Variants in SHOX2 observed in about 807,000 individuals in gnomAD.
SHOX2 encodes the protein SHOX homeobox 2.
In SHOX2, 13 loss-of-function variants were observed where a neutral mutation model predicts 31.3. The ratio of observed to expected loss-of-function variants is 0.42; its 90% CI spans 0.27 to 0.66. SHOX2 has a LOEUF of 0.66. SHOX2 is among the 30% of genes least tolerant of loss of function. SHOX2 has a pLI of 0.27. For missense variants in SHOX2, 473 were observed against 443.0 expected, an observed-to-expected ratio of 1.07 and a Z score of -0.61; for synonymous variants, 244 against 196.2, an observed-to-expected ratio of 1.24 and a Z score of -2.04.
At chr3:158,101,989 AG>A (rs1447845205) in intron 2 of SHOX2, among the ~76,000 whole-genome samples, 1 of 152,176 alleles carries the variant, frequency 6.6e-6, no homozygotes, top group East Asian at 1.9e-4. Flanking sequence ...GCTGGAGGGC[AG>A]GCTTTGGAAA....
Position 158,098,117 on chromosome 3 carries a change from G to A in SHOX2, c.870C>T (p.Ala290=), listed in dbSNP as rs748465616. The change falls in exon 5 of 5, where the codon GCC becomes GCT. Residue 290 remains alanine, a synonymous_variant. Coordinates refer to ENST00000483851, the MANE Select transcript of SHOX2 (RefSeq NM_001163678.2). ...DSASAASVVA[A]AAAAKTTSKN... ...TGCTGGTGGTCTTGGCGGCTGCTGC[G>A]GCCGCCACTACCGAGGCGGCGGAAG... 1 of 1,611,130 alleles carries A rather than the reference G, an allele frequency of 6.2e-7. No homozygotes were observed. Among genetic ancestry groups the A allele is most frequent in the South Asian group, 1.1e-5 (1 of 90,982 alleles).
At chr3:158,105,424 C>T (rs1713831192) in intron 1 of SHOX2, 3 of 597,062 alleles carry the variant, frequency 5.0e-6, no homozygotes, top group Non-Finnish European at 8.9e-6. Context: ...GGAATGGGAA[C>T]ATCTGGGAAG....
At chr3:158,102,481 G>GAAA (rs5853813) in intron 2 of SHOX2, among the ~76,000 whole-genome samples, 197 bp downstream of exon 2, 47 of 144,518 alleles carry the variant, frequency 3.3e-4, no homozygotes, top group African/African-American at 3.8e-4. Flanking sequence ...TGTTAGGATG[G>GAAA]AAAAAAAAAA....
rs1337247087 is a variant in SHOX2 at position 158,096,107 on chromosome 3, C to A, written c.*1920G>T. ...AGGTTTAACAGAATTGGAGGCGACACATTTTGTACTGACAACACGTCATGA... is the reference window on the plus strand; with the variant it reads ...AGGTTTAACAGAATTGGAGGCGACAAATTTTGTACTGACAACACGTCATGA... On this transcript the variant is annotated 3_prime_UTR_variant, in exon 5 of 5. Transcript: ENST00000483851. The A allele has an allele frequency of 6.6e-6, 1 of 152,644 alleles. No homozygotes were observed. The highest frequency in any genetic ancestry group is 1.5e-5 in the Non-Finnish European group (1 of 68,040). 9.5% of individuals were successfully genotyped at this position (152,644 alleles called of 1,614,324 possible).
intron 2 of SHOX2, among the ~76,000 whole-genome samples, chr3:158,101,147 C>T (rs1451966409): frequency 6.6e-6 from 1 of 152,164 alleles, no homozygotes; most frequent in Admixed American, 6.5e-5. Context: ...ATAAAGCTTG[C>T]TTTTGTATTC....
At position 158,096,931 on chromosome 3, in the gene SHOX2, T is replaced by TATATATGA. The variant is rs1553753390; in HGVS notation, c.*1095_*1096insTCATATAT. ...ATATATATATATATATATATATATA[T>TATATATGA]GGCAAATATATGATATATATATATG... On this transcript the variant is annotated 3_prime_UTR_variant, in exon 5 of 5. Coordinates refer to ENST00000483851, the MANE Select transcript of SHOX2 (RefSeq NM_001163678.2). 2 of 80,602 alleles carry TATATATGA rather than the reference T, an allele frequency of 2.5e-5. No homozygotes were observed. Among genetic ancestry groups the TATATATGA allele is most frequent in the Non-Finnish European group, 5.3e-5 (2 of 37,474 alleles). The allele number at this position is 80,602 out of a possible 1,614,324, so 5.0% of individuals were successfully genotyped here. A position where few individuals can be genotyped will look rare whatever the true frequency, so the allele number is the denominator to read the frequency against.
At position 158,105,212 on chromosome 3, in the gene SHOX2, A is replaced by T. The variant is rs1009000726; in HGVS notation, c.346+467T>A. 21 of 824,600 alleles carry T rather than the reference A, an allele frequency of 2.5e-5. No homozygotes were observed. The African/African-American group carries it at 3.6e-4, about 14-fold the overall frequency. The allele number at this position is 824,600 out of a possible 1,614,324, so 51.1% of individuals were successfully genotyped here. On this transcript the variant is annotated intron_variant, in intron 1 of 4. Coordinates refer to ENST00000483851, the MANE Select transcript of SHOX2 (RefSeq NM_001163678.2). ...GAGTTCGAGGGGTCTTGGCGGCCCC[A>T]AACACCTAGGCGACCGGAGGGTTAA...
At chr3:158,105,527 C>A (rs1311005582) in intron 1 of SHOX2, 152 bp downstream of exon 1, 5 of 686,160 alleles carry the variant, frequency 7.3e-6, no homozygotes, top group Middle Eastern at 3.9e-4. Flanking sequence ...GACCCCCACC[C>A]TTCCACTATC....
intron 2 of SHOX2, 51 bp from the exon 3 acceptor site, chr3:158,100,362 A>AT: frequency 7.1e-7 from 1 of 1,405,968 alleles, no homozygotes; most frequent in Non-Finnish European, 9.7e-7. Flanking sequence ...ATGACTAAAA[A>AT]TTTTTTTAAA....
Position 158,105,764 on chromosome 3 carries a change from A to AGCTCCTCCGCCT in SHOX2, c.249_260dup (p.Ala87_Gly90dup), listed in dbSNP as rs773618082. 82 of 1,516,604 alleles carry AGCTCCTCCGCCT rather than the reference A, an allele frequency of 5.4e-5. 1 individual carries two copies. In the African/African-American group the frequency reaches 9.8e-4, roughly 18 times the overall value. The allele number at this position is 1,516,604 out of a possible 1,614,324, so 93.9% of individuals were successfully genotyped here. ...CCCGGACGGGAGAGCGCCCTCCTCC[A>AGCTCCTCCGCCT]GCTCCTCCGCCTGCTCCTCCTCCTC... On this transcript the variant is annotated inframe_insertion, in exon 1 of 5. Coordinates refer to ENST00000483851, the MANE Select transcript of SHOX2 (RefSeq NM_001163678.2).
intron 2 of SHOX2, among the ~76,000 whole-genome samples, chr3:158,102,440 C>T (rs1713549752): frequency 6.6e-6 from 1 of 151,086 alleles, no homozygotes; most frequent in Non-Finnish European, 1.5e-5. Flanking sequence ...TGGGAGAAAG[C>T]CCAGCACAGC....
Position 158,106,266 on chromosome 3 carries a change from G to A in SHOX2, c.-242C>T. 1.7e-6 allele frequency: 1 copy of A among 571,704 alleles called. No individual in the cohort carries two copies. The highest frequency in any genetic ancestry group is 2.1e-5 in the South Asian group (1 of 47,230). The allele number at this position is 571,704 out of a possible 1,614,324, so 35.4% of individuals were successfully genotyped here. A position where few individuals can be genotyped will look rare whatever the true frequency, so the allele number is the denominator to read the frequency against. Reference sequence around the variant, plus strand: ...GGAGGAGGAAGAAGAGGAAGAGGGGGAGAAGGGTGAAGAGGAGAGGGAGGA... The same window carrying A: ...GGAGGAGGAAGAAGAGGAAGAGGGGAAGAAGGGTGAAGAGGAGAGGGAGGA... On this transcript the variant is annotated 5_prime_UTR_variant, in exon 1 of 5. Transcript: ENST00000483851.
chr3:158,105,580 C>G (rs2108133482), intron 1 of SHOX2, 99 bp downstream of exon 1: 1 of 1,123,734 alleles, frequency 8.9e-7, no homozygotes, highest in Non-Finnish European at 1.2e-6. Context: ...TCTCCGTGTC[C>G]CTCTCCCCTC....
rs772047441 is a variant in SHOX2 at position 158,099,904 on chromosome 3, C to T, written c.658G>A (p.Ala220Thr). 9.9e-6 allele frequency: 16 copies of T among 1,614,054 alleles called. No individual in the cohort carries two copies. The highest frequency in any genetic ancestry group is 6.6e-5 in the South Asian group (6 of 91,074). The change falls in exon 4 of 5, where the codon GCA becomes ACA. Residue 220 changes from alanine (A) to threonine (T), a missense_variant. Physicochemically the swap from Ala to Thr is moderately conservative, Grantham distance 58 (BLOSUM62 0). This residue lies in a region of SHOX2 where 182 missense variants were observed against 167.2 expected (regional missense o/e 1.09). Transcript: ENST00000483851. ...AAAGCACCTACGTTGACATAAGGTGCGACTCTACAAGCTTCAAACTGGCTG... is the reference window on the plus strand; with the variant it reads ...AAAGCACCTACGTTGACATAAGGTGTGACTCTACAAGCTTCAAACTGGCTG... ...AASQFEACRV[A>T]PYVNVGALRM...
rs773783159 is a variant in SHOX2 at position 158,098,004 on chromosome 3, C to G, written c.*23G>C. ...CAGGCTGAGTGCCGCGGGACAGGCG[C>G]GACATTGGTGCTGGCGTTGGCGTCA... On this transcript the variant is annotated 3_prime_UTR_variant, in exon 5 of 5. Coordinates refer to ENST00000483851, the MANE Select transcript of SHOX2 (RefSeq NM_001163678.2). 1 of 1,567,828 alleles carries G rather than the reference C, an allele frequency of 6.4e-7. No individual in the cohort carries two copies. The highest frequency in any genetic ancestry group is 2.3e-5 in the East Asian group (1 of 44,382).
intron 4 of SHOX2, 112 bp from the exon 5 acceptor site, chr3:158,098,396 G>A: frequency 1.5e-6 from 2 of 1,360,318 alleles, no homozygotes; most frequent in Non-Finnish European, 2.0e-6. Context: ...GTTGTGTTTG[G>A]GCACGGGGAG....
chr3:158,100,492 CAGAAAT>C (rs1289640211), intron 2 of SHOX2, among the ~76,000 whole-genome samples, 181 bp from the exon 3 acceptor site: 11 of 152,256 alleles, frequency 7.2e-5, no homozygotes, highest in African/African-American at 1.9e-4. Context: ...AAATTAACTA[CAGAAAT>C]AGAAAGATAG....
At position 158,097,728 on chromosome 3, in the gene SHOX2, TC is replaced by T; in HGVS notation, c.*298del. 2.7e-6 allele frequency: 1 copy of T among 363,732 alleles called. No individual in the cohort carries two copies. The highest frequency in any genetic ancestry group is 5.0e-6 in the Non-Finnish European group (1 of 201,604). 22.5% of individuals were successfully genotyped at this position (363,732 alleles called of 1,614,324 possible). On this transcript the variant is annotated 3_prime_UTR_variant, in exon 5 of 5. Transcript: ENST00000483851. ...GAGCCAAACTCCGCGGTTCCAGCAC[TC>T]CCCTGTCCAGTCTCTCTCCAGACTC...
In SHOX2 at chr3:158,105,798, C is replaced by T; in HGVS notation, c.227G>A (p.Gly76Glu). ...GGGGGGGGGGGGVGGGGAGGG... is the reference protein window; with the variant it reads ...GGGGGGGGGGEGVGGGGAGGG... The stretch of plus-strand genomic sequence containing the variant: ...GCCTGCTCCTCCTCCTCCTACACCT[C>T]CTCCGCCTCCTCCGCCGCCGCCTCC... The change falls in exon 1 of 5, where the codon GGA (glycine) becomes GAA (glutamate). Residue 76 changes from glycine to glutamate, a missense_variant. Around this residue, in one of 3 missense-constraint regions of SHOX2, gnomAD observed 276 missense variants for 230.0 expected, o/e 1.20. Transcript: ENST00000483851. 1.4e-6 allele frequency: 2 copies of T among 1,478,808 alleles called. No homozygotes were observed. Among genetic ancestry groups the T allele is most frequent in the Non-Finnish European group, 1.8e-6 (2 of 1,117,954 alleles). 91.6% of individuals were successfully genotyped at this position (1,478,808 alleles called of 1,614,324 possible). A position where few individuals can be genotyped will look rare whatever the true frequency, so the allele number is the denominator to read the frequency against.
Sources: allele counts gnomAD v4.1 joint callset (sites outside exome capture counted in the v4.1 genomes callset), GRCh38; gene constraint gnomAD v4.1.1; regional missense constraint gnomAD v4.1.1; transcripts MANE v1.5; gene names NCBI Gene and HGNC (gene_info 2026-07-23, HGNC 2026-07-21).